CROCC2: variants seen among roughly 807,000 people sequenced by gnomAD.
CROCC2 encodes ciliary rootlet coiled-coil protein 2.
In CROCC2, 163 loss-of-function variants were observed where a neutral mutation model predicts 177.6. That is an observed-to-expected ratio of 0.92 (90% confidence interval 0.81 to 1.05). The LOEUF is 1.05. Among genes scored for constraint, CROCC2 ranks in the 50% least tolerant of loss-of-function variants. CROCC2 has a pLI of 0.00. For synonymous variants in CROCC2, 904 were observed against 787.3 expected (o/e 1.15, Z -2.48); for missense variants, 1,929 against 1,797.8 (o/e 1.07, Z -1.32).
intron 11 of CROCC2, 99 bp downstream of exon 11, chr2:240,933,951 C>T: frequency 1.5e-6 from 2 of 1,294,216 alleles, no homozygotes; most frequent in South Asian, 1.4e-5. Flanking sequence ...TCTGCTTTTT[C>T]ACCTGTCTCA....
chr2:240,965,638 C>T lies in CROCC2; in HGVS notation c.3606C>T (p.Val1202=). 6.4e-7 allele frequency: 1 copy of T among 1,550,602 alleles called. No homozygotes were observed. Among genetic ancestry groups the T allele is most frequent in the Non-Finnish European group, 8.7e-7 (1 of 1,146,958 alleles). The change falls in exon 24 of 32, where the codon GTC becomes GTT. Residue 1202 remains valine (V), a splice_region_variant and synonymous_variant. Transcript: ENST00000690015. ...GCACCCCAACATCCCTCCTACAGGTCCTGGGATTGCAGAGGAAGTTGGCAG... is the reference window on the plus strand; with the variant it reads ...GCACCCCAACATCCCTCCTACAGGTTCTGGGATTGCAGAGGAAGTTGGCAG... ...EAKHEGARKE[V]LGLQRKLAEV...
chr2:240,933,670 G>A lies in CROCC2; in HGVS notation c.1464G>A (p.Arg488=), dbSNP rs2059448619. 6 of 1,549,968 alleles carry A rather than the reference G, an allele frequency of 3.9e-6. No individual in the cohort carries two copies. In the South Asian group the frequency reaches 4.8e-5, roughly 12 times the overall value. Residue 488 remains arginine (R), a splice_region_variant and synonymous_variant, in exon 11 of 32, where the codon AGG becomes AGA. Transcript: ENST00000690015. ...QCRASCKLLG[R]EKAALEMVVE... is the part of the protein sequence containing the mutation. Reference sequence around the variant, plus strand: ...CCAACTCTGCCCCCACCATCCCCAGGGAGAAGGCTGCTCTGGAGATGGTGG... The same window carrying A: ...CCAACTCTGCCCCCACCATCCCCAGAGAGAAGGCTGCTCTGGAGATGGTGG...
chr2:240,928,698 G>A (rs1317512787), intron 5 of CROCC2, among the ~76,000 whole-genome samples: 2 of 152,354 alleles, frequency 1.3e-5, no homozygotes, highest in East Asian at 1.9e-4. Context: ...CGTCTACCCC[G>A]TACAGCAGGC....
At chr2:240,950,896 TATCCATCC>T (rs1183713342) in intron 18 of CROCC2, 2 of 170,626 alleles carry the variant, frequency 1.2e-5, no homozygotes, top group African/African-American at 5.3e-5. Flanking sequence ...TCCATCCATT[TATCCATCC>T]ATCCATCCAG....
intron 31 of CROCC2, 107 bp downstream of exon 31, chr2:240,991,385 A>G (rs2059878560): frequency 2.0e-6 from 2 of 982,432 alleles, no homozygotes; most frequent in Admixed American, 3.0e-5. Flanking sequence ...TGCTGGGGGA[A>G]CCACTGTTGG....
At chr2:240,962,080 T>TCACACACA (rs549496278) in intron 20 of CROCC2, among the ~76,000 whole-genome samples, 5 of 89,486 alleles carry the variant, frequency 5.6e-5, no homozygotes, top group African/African-American at 1.4e-4. Flanking sequence ...GCACTCACAC[T>TCACACACA]CACACACACA....
At chr2:240,930,864 A>C (rs1459447507) in intron 6 of CROCC2, 67 bp from the exon 7 acceptor site, 9 of 631,686 alleles carry the variant, frequency 1.4e-5, no homozygotes, top group Non-Finnish European at 2.6e-5. Context: ...TGTGGGGCTG[A>C]TGGGACCAGG....
intron 22 of CROCC2, 148 bp downstream of exon 22, chr2:240,964,773 T>C: frequency 1.9e-6 from 2 of 1,033,208 alleles, no homozygotes; most frequent in Non-Finnish European, 2.8e-6. Flanking sequence ...CTGCTCAGGC[T>C]CACAGGGTCC....
rs142641670 is a variant in CROCC2, at chr2:240,914,669, A to G, written c.79-4057A>G. ...CCTTCACTCGGGGGTCCACCCCTCA[A>G]TGAGGGTGACCCAGGCTGACCGAGG... On this transcript the variant is annotated intron_variant, in intron 1 of 31. Coordinates refer to ENST00000690015, the MANE Select transcript of CROCC2 (RefSeq NM_001351305.2). Among the ~76,000 whole-genome samples, 42 of 152,026 alleles carry G rather than the reference A, an allele frequency of 2.8e-4. 2 individuals are homozygous for G. In the East Asian group the frequency reaches 7.7e-3, roughly 28 times the overall value.
rs763286417 is a variant in CROCC2, at chr2:240,991,359, G to T, written c.4946+81G>T. 7.7e-6 allele frequency: 10 copies of T among 1,297,504 alleles called. No homozygotes were observed. In the African/African-American group the frequency reaches 1.5e-4, roughly 19 times the overall value. The allele number at this position is 1,297,504 out of a possible 1,614,324, so 80.4% of individuals were successfully genotyped here. ...AGGGGCAGGCGGCCCTGGGGAAGGT[G>T]CTGGAGGCCCTAGGCTGCTGGGGGA... is the stretch of plus-strand genomic sequence containing the variant. On this transcript the variant is annotated intron_variant, in intron 31 of 31. Coordinates refer to ENST00000690015, the MANE Select transcript of CROCC2 (RefSeq NM_001351305.2).
At chr2:240,947,143 G>T (rs1470100470) in intron 15 of CROCC2, among the ~76,000 whole-genome samples, 1 of 152,258 alleles carries the variant, frequency 6.6e-6, no homozygotes, top group African/African-American at 2.4e-5. Flanking sequence ...TGGAATTCTA[G>T]AATCTGGGAG....
chr2:240,956,246 TG>T, intron 19 of CROCC2: 1 of 482,342 alleles, frequency 2.1e-6, no homozygotes, highest in Non-Finnish European at 3.8e-6. Flanking sequence ...AGAGGGGGCC[TG>T]GCCCAGCTGG....
intron 13 of CROCC2, 95 bp from the exon 14 acceptor site, chr2:240,935,263 G>C: frequency 8.0e-7 from 1 of 1,254,274 alleles, no homozygotes; most frequent in East Asian, 3.1e-5. Context: ...CTGAGGGAGG[G>C]AAGACAGTGC....
At chr2:240,926,733 G>T (rs986712560) in intron 5 of CROCC2, among the ~76,000 whole-genome samples, 1 of 152,242 alleles carries the variant, frequency 6.6e-6, no homozygotes, top group East Asian at 1.9e-4. Context: ...CCAGCCCCGA[G>T]CCCCCCACAG....
At position 240,932,893 on chromosome 2, in the gene CROCC2, G is replaced by A. The variant is rs556570439; in HGVS notation, c.1236G>A (p.Arg412=). 9 of 1,546,558 alleles carry A rather than the reference G, an allele frequency of 5.8e-6. No individual in the cohort carries two copies. Among genetic ancestry groups the A allele is most frequent in the African/African-American group, 2.7e-5 (2 of 73,122 alleles). The part of the protein sequence containing the change: ...LQAMRAAIER[R]WRREQELCLQ... ...CCATGCGGGCAGCCATAGAGAGGCGGTGGCGGCGGGAACAGGTGGGCAGCC... is the reference window on the plus strand; with the variant it reads ...CCATGCGGGCAGCCATAGAGAGGCGATGGCGGCGGGAACAGGTGGGCAGCC... The change falls in exon 9 of 32, where the codon CGG becomes CGA. Residue 412 remains arginine (R), a synonymous_variant. Coordinates refer to ENST00000690015, the MANE Select transcript of CROCC2 (RefSeq NM_001351305.2).
At chr2:240,969,424 CAG>C (rs1000187672) in intron 27 of CROCC2, among the ~76,000 whole-genome samples, 2 of 152,214 alleles carry the variant, frequency 1.3e-5, no homozygotes, top group Non-Finnish European at 2.9e-5. Context: ...GGCCAGGCTG[CAG>C]AGAGAGCAAG....
In CROCC2 at chr2:240,932,832, T is replaced by C. The variant is rs951558644; in HGVS notation, c.1175T>C (p.Ile392Thr). ...SPHQGASPPHICSPATLDPAL... is the reference protein window; with the variant it reads ...SPHQGASPPHTCSPATLDPAL... ...CATCAAGGGGCGTCCCCACCACACA[T>C]CTGCTCCCCAGCCACCCTGGACCCC... Residue 392 changes from isoleucine (I) to threonine (T), a missense_variant, in exon 9 of 32, where the codon ATC (isoleucine) becomes ACC (threonine). Ile to Thr is a moderately conservative substitution (Grantham distance 89). This residue lies in a region of CROCC2 where 1,397 missense variants were observed against 1,239.9 expected (regional missense o/e 1.13). Coordinates refer to ENST00000690015, the MANE Select transcript of CROCC2 (RefSeq NM_001351305.2). 1.3e-6 allele frequency: 2 copies of C among 1,544,322 alleles called. No individual in the cohort carries two copies. Among genetic ancestry groups the C allele is most frequent in the Non-Finnish European group, 1.7e-6 (2 of 1,143,788 alleles).
At chr2:240,919,957 C>T in intron 2 of CROCC2, 26 bp from the exon 3 acceptor site, 1 of 715,288 alleles carries the variant, frequency 1.4e-6, no homozygotes, top group Non-Finnish European at 2.6e-6. Context: ...GGTCTGGCCA[C>T]CCAGGCTGAC....
In CROCC2 at chr2:240,960,324, G is replaced by A. The variant is rs938888341; in HGVS notation, c.3087+880G>A. 2.0e-5 allele frequency among the ~76,000 whole-genome samples: 3 copies of A among 152,110 alleles called. No homozygotes were observed. Among genetic ancestry groups the A allele is most frequent in the Admixed American group, 1.3e-4 (2 of 15,286 alleles). On this transcript the variant is annotated intron_variant, in intron 20 of 31. Transcript: ENST00000690015. This position sits in a 1 kb window ranked among gnomAD's most constrained non-coding sequence, Gnocchi z 5.0. ...AAATAAGTGGGTTAGTGGAGATTTC[G>A]GGGTGTGCCTGGGCCTGGCCAAGGG...
Sources: gnomAD v4.1 joint callset for allele counts (sites outside exome capture counted in the v4.1 genomes callset) on GRCh38, gnomAD v4.1.1 for gene constraint, gnomAD v4.1.1 regional missense constraint, Gnocchi (gnomAD v3.1) non-coding constraint, MANE v1.5 for transcripts, NCBI Gene and HGNC (gene_info 2026-07-23, HGNC 2026-07-21) for gene names.